The following FBXO28 variants were observed in gnomAD, a reference collection of about 807,000 sequenced individuals.
FBXO28 encodes the protein F-box protein 28.
FBXO28 carries 8 observed loss-of-function variants against 38.1 expected under a neutral mutation model. The ratio of observed to expected loss-of-function variants is 0.21; its 90% CI spans 0.12 to 0.38. FBXO28 has a LOEUF of 0.38. FBXO28 is among the 10% of genes least tolerant of loss of function. The pLI is 1.00. For synonymous variants in FBXO28, 168 were observed against 173.8 expected (o/e 0.97, Z 0.26); for missense variants, 345 against 460.6 (o/e 0.75, Z 2.30).
chr1:224,157,635 A>G lies in FBXO28; in HGVS notation c.996A>G (p.Val332=), dbSNP rs1657802243. Residue 332 remains valine (V), a synonymous_variant, in exon 5 of 5, where the codon GTA becomes GTG. Transcript: ENST00000366862. ...RKLREVMESA[V]GNSSGSGQNE... is the part of the protein sequence containing the mutation. ...TACGAGAAGTAATGGAAAGTGCTGT[A>G]GGAAATTCCTCAGGGTCCGGGCAGA... 6.2e-7 allele frequency: 1 copy of G among 1,614,154 alleles called. No individual in the cohort carries two copies. The highest frequency in any genetic ancestry group is 1.3e-5 in the African/African-American group (1 of 74,950).
chr1:224,130,918 A>T (rs759996204), intron 2 of FBXO28: 10 of 180,376 alleles, frequency 5.5e-5, no homozygotes, highest in Non-Finnish European at 1.1e-4. Flanking sequence ...TTCAGCAAGG[A>T]TATGGGATAT....
At chr1:224,148,522 T>G (rs571336696) in intron 3 of FBXO28, among the ~76,000 whole-genome samples, 12 of 151,518 alleles carry the variant, frequency 7.9e-5, no homozygotes, top group African/African-American at 2.9e-4. Context: ...ATTCGCCAGG[T>G]GTGGTGGCGG....
intron 1 of FBXO28, among the ~76,000 whole-genome samples, chr1:224,126,171 C>A (rs1467311908): frequency 6.6e-6 from 1 of 151,014 alleles, no homozygotes; most frequent in East Asian, 1.9e-4. Context: ...TTAATTGGGC[C>A]TATCTGGTTA....
At chr1:224,145,040 G>A (rs1657464934) in intron 3 of FBXO28, among the ~76,000 whole-genome samples, 1 of 151,904 alleles carries the variant, frequency 6.6e-6, no homozygotes, top group African/African-American at 2.4e-5. Context: ...CTAGCACTTT[G>A]GGAGGCTGAG....
chr1:224,157,626 A>G lies in FBXO28; in HGVS notation c.987A>G (p.Glu329=), dbSNP rs563015485. 1 of 1,614,272 alleles carries G rather than the reference A, an allele frequency of 6.2e-7. No homozygotes were observed. Among genetic ancestry groups the G allele is most frequent in the East Asian group, 2.2e-5 (1 of 44,894 alleles). ...ELERKLREVM[E]SAVGNSSGSG... is the part of the protein sequence containing the mutation. The stretch of plus-strand genomic sequence containing the variant: ...AACGCAAACTACGAGAAGTAATGGA[A>G]AGTGCTGTAGGAAATTCCTCAGGGT... The change falls in exon 5 of 5, where the codon GAA becomes GAG. Residue 329 remains glutamate (E), a synonymous_variant. Coordinates refer to ENST00000366862, the MANE Select transcript of FBXO28 (RefSeq NM_015176.4).
intron 3 of FBXO28, among the ~76,000 whole-genome samples, chr1:224,140,799 A>G (rs557252975): frequency 6.6e-6 from 1 of 152,048 alleles, no homozygotes; most frequent in African/African-American, 2.4e-5. Flanking sequence ...ACAAAAAATT[A>G]GCCGAGCATG....
rs1657896433 is a variant in FBXO28, at chr1:224,161,072, C to A, written c.*3326C>A. On this transcript the variant is annotated 3_prime_UTR_variant, in exon 5 of 5. Coordinates refer to ENST00000366862, the MANE Select transcript of FBXO28 (RefSeq NM_015176.4). Reference sequence around the variant, plus strand: ...AACGATGTATGATGTCCCACTTGTTCCTTATTCTTAATAAACTTTTTCCTG... The same window carrying A: ...AACGATGTATGATGTCCCACTTGTTACTTATTCTTAATAAACTTTTTCCTG... 6.6e-6 allele frequency: 1 copy of A among 152,126 alleles called. No homozygotes were observed. The highest frequency in any genetic ancestry group is 2.1e-4 in the South Asian group (1 of 4,836). 9.4% of individuals were successfully genotyped at this position (152,126 alleles called of 1,614,324 possible).
At position 224,159,341 on chromosome 1, in the gene FBXO28, A is replaced by C. The variant is rs1455047753; in HGVS notation, c.*1595A>C. 1 of 152,470 alleles carries C rather than the reference A, an allele frequency of 6.6e-6. No homozygotes were observed. The highest frequency in any genetic ancestry group is 2.4e-5 in the African/African-American group (1 of 41,396). 9.4% of individuals were successfully genotyped at this position (152,470 alleles called of 1,614,324 possible). ...GACATGGTTATGCATCCTTTAGATT[A>C]ACCTCACCAAATGAAGCTTTTTCTA... On this transcript the variant is annotated 3_prime_UTR_variant, in exon 5 of 5. Coordinates refer to ENST00000366862, the MANE Select transcript of FBXO28 (RefSeq NM_015176.4).
chr1:224,158,212 T>A lies in FBXO28; in HGVS notation c.*466T>A, dbSNP rs1302861248. 7.1e-6 allele frequency: 7 copies of A among 987,028 alleles called. No homozygotes were observed. The African/African-American group carries it at 1.2e-4, about 17-fold the overall frequency. 61.1% of individuals were successfully genotyped at this position (987,028 alleles called of 1,614,324 possible). Reference sequence around the variant, plus strand: ...ATCTTTTTGTTATAAGTGACCTTTGTCTGGAATGTCTGAAAAGTAGTTAAT... The same window carrying A: ...ATCTTTTTGTTATAAGTGACCTTTGACTGGAATGTCTGAAAAGTAGTTAAT... On this transcript the variant is annotated 3_prime_UTR_variant, in exon 5 of 5. Coordinates refer to ENST00000366862, the MANE Select transcript of FBXO28 (RefSeq NM_015176.4).
At chr1:224,115,539 T>C (rs1656624579) in intron 1 of FBXO28, among the ~76,000 whole-genome samples, 1 of 152,240 alleles carries the variant, frequency 6.6e-6, no homozygotes, top group Non-Finnish European at 1.5e-5. Context: ...CTTATAAATA[T>C]TAATTCAAAC....
intron 1 of FBXO28, among the ~76,000 whole-genome samples, chr1:224,127,673 A>G (rs1163614393): frequency 6.6e-6 from 1 of 152,190 alleles, no homozygotes; most frequent in Non-Finnish European, 1.5e-5. Context: ...TTGGGGGGCC[A>G]AGACAGGCAA....
At chr1:224,139,690 G>C (rs568740204) in intron 3 of FBXO28, among the ~76,000 whole-genome samples, 1 of 152,180 alleles carries the variant, frequency 6.6e-6, no homozygotes, top group Admixed American at 6.6e-5. Context: ...GCAGTGAGCC[G>C]AGATTGCGCC....
rs1657797570 is a variant in FBXO28 at position 224,157,382 on chromosome 1, T to C, written c.743T>C (p.Met248Thr). Reference sequence around the variant, plus strand: ...GGACCGTCTGCAGCCCTAACAACAATGCAGCTCTTCTCCAAGCAAAATCCT... The same window carrying C: ...GGACCGTCTGCAGCCCTAACAACAACGCAGCTCTTCTCCAAGCAAAATCCT... Reference protein sequence around the residue: ...VPGPSAALTTMQLFSKQNPSR... With the variant: ...VPGPSAALTTTQLFSKQNPSR... Residue 248 changes from methionine to threonine, a missense_variant, in exon 5 of 5, where the codon ATG becomes ACG. Around this residue, in one of 6 missense-constraint regions of FBXO28, gnomAD observed 151 missense variants for 188.3 expected, o/e 0.80. Coordinates refer to ENST00000366862, the MANE Select transcript of FBXO28 (RefSeq NM_015176.4). 3 of 1,613,616 alleles carry C rather than the reference T, an allele frequency of 1.9e-6. No homozygotes were observed. Among genetic ancestry groups the C allele is most frequent in the Non-Finnish European group, 2.5e-6 (3 of 1,179,770 alleles).
At position 224,160,725 on chromosome 1, in the gene FBXO28, A is replaced by G. The variant is rs532899551; in HGVS notation, c.*2979A>G. On this transcript the variant is annotated 3_prime_UTR_variant, in exon 5 of 5. Transcript: ENST00000366862. ...TCAAAAGCCACTGATTTGGGAAGCA[A>G]TTTTTTTGCAAAACACTTTTTTTGG... 12 of 152,248 alleles carry G rather than the reference A, an allele frequency of 7.9e-5. No homozygotes were observed. The highest frequency in any genetic ancestry group is 2.9e-4 in the African/African-American group (12 of 41,548). 9.4% of individuals were successfully genotyped at this position (152,248 alleles called of 1,614,324 possible).
intron 3 of FBXO28, among the ~76,000 whole-genome samples, chr1:224,145,818 C>T (rs982190581): frequency 6.6e-6 from 1 of 152,074 alleles, no homozygotes; most frequent in Non-Finnish European, 1.5e-5. Flanking sequence ...CCTGTAATCC[C>T]AGCACTTGGA....
intron 1 of FBXO28, among the ~76,000 whole-genome samples, chr1:224,119,055 C>T (rs1656710066): frequency 6.6e-6 from 1 of 152,122 alleles, no homozygotes; most frequent in African/African-American, 2.4e-5. Context: ...TCTCCCACTG[C>T]CCAGACCACA....
At chr1:224,136,092 T>C (rs1657175789) in intron 3 of FBXO28, among the ~76,000 whole-genome samples, 1 of 120,832 alleles carries the variant, frequency 8.3e-6, no homozygotes, top group Admixed American at 9.9e-5. Flanking sequence ...AAACCATTTG[T>C]TGACTTCAGT....
chr1:224,117,914 C>T (rs1055496970), intron 1 of FBXO28, among the ~76,000 whole-genome samples: 8 of 152,124 alleles, frequency 5.3e-5, no homozygotes, highest in Admixed American at 2.6e-4. Flanking sequence ...GAGGCTGAGG[C>T]TTTGAACCTA....
intron 3 of FBXO28, among the ~76,000 whole-genome samples, chr1:224,145,007 C>T (rs530269929): frequency 8.6e-5 from 13 of 151,638 alleles, no homozygotes; most frequent in Non-Finnish European, 1.6e-4. Flanking sequence ...AGGGGCCGGG[C>T]GCGGTGGCTC....
Sources: gnomAD v4.1 joint callset for allele counts (sites outside exome capture counted in the v4.1 genomes callset) on GRCh38, gnomAD v4.1.1 for gene constraint, gnomAD v4.1.1 regional missense constraint, MANE v1.5 for transcripts, NCBI Gene and HGNC (gene_info 2026-07-23, HGNC 2026-07-21) for gene names.